Variants in PCCA observed in about 807,000 individuals in gnomAD.
PCCA encodes the protein propionyl-CoA carboxylase alpha chain, mitochondrial.
In PCCA, 74 loss-of-function variants were observed where a neutral mutation model predicts 101.3. That is an observed-to-expected ratio of 0.73 (90% CI 0.61 to 0.89). PCCA has a LOEUF of 0.89. PCCA is among the 40% of genes least tolerant of loss of function. The pLI is 0.00. For synonymous variants in PCCA, 294 were observed against 313.6 expected, an observed-to-expected ratio of 0.94 and a Z score of 0.66; for missense variants, 891 against 907.0, an observed-to-expected ratio of 0.98 and a Z score of 0.23.
chr13:100,292,500 C>T (rs2065202500), intron 12 of PCCA, among the ~76,000 whole-genome samples: 1 of 152,178 alleles, frequency 6.6e-6, no homozygotes, highest in Non-Finnish European at 1.5e-5. Context: ...TTATACTGAG[C>T]ACACATTCTT....
intron 19 of PCCA, among the ~76,000 whole-genome samples, chr13:100,372,946 G>A (rs2075663471): frequency 6.6e-6 from 1 of 152,112 alleles, no homozygotes; most frequent in Non-Finnish European, 1.5e-5. Context: ...GTTTCACCAT[G>A]TTGGCCAGGC....
At chr13:100,113,548 T>A (rs991188999) in intron 4 of PCCA, among the ~76,000 whole-genome samples, 1 of 151,926 alleles carries the variant, frequency 6.6e-6, no homozygotes, top group African/African-American at 2.4e-5. Context: ...AATTATAAAC[T>A]TTTAAATTTT....
intron 4 of PCCA, among the ~76,000 whole-genome samples, chr13:100,125,239 G>T (rs1360132673): frequency 6.6e-6 from 1 of 152,002 alleles, no homozygotes; most frequent in Non-Finnish European, 1.5e-5. Context: ...GATGATGGCT[G>T]TCCTGGTCCA....
intron 4 of PCCA, among the ~76,000 whole-genome samples, chr13:100,139,818 C>T (rs1315408741): frequency 6.6e-6 from 1 of 151,636 alleles, no homozygotes; most frequent in African/African-American, 2.4e-5. Flanking sequence ...ACATAATCCT[C>T]TGAATTTAGT....
intron 19 of PCCA, among the ~76,000 whole-genome samples, chr13:100,408,781 T>C (rs951332425): frequency 1.3e-5 from 2 of 152,084 alleles, no homozygotes; most frequent in African/African-American, 4.8e-5. Flanking sequence ...CAAACAGTGA[T>C]AGTTCCGGGG....
At chr13:100,396,567 G>A (rs2077053667) in intron 19 of PCCA, among the ~76,000 whole-genome samples, 1 of 152,206 alleles carries the variant, frequency 6.6e-6, no homozygotes, top group Admixed American at 6.5e-5. Context: ...CAGTGGCCCA[G>A]GCCTGTGGTC....
At position 100,111,976 on chromosome 13, in the gene PCCA, A is replaced by C. The variant is rs754015992; in HGVS notation, c.232-17A>C. On this transcript the variant is annotated splice_polypyrimidine_tract_variant and intron_variant, in intron 3 of 23. Transcript: ENST00000376285. ...GTGTGAATCACTATTAATAGACATT[A>C]ATATATTTTAAAATAGGTTATTAGA... 1.8e-5 allele frequency: 28 copies of C among 1,586,244 alleles called. No individual in the cohort carries two copies. In the South Asian group the frequency reaches 3.1e-4, roughly 18 times the overall value.
chr13:100,498,016 T>C (rs1289284101), intron 21 of PCCA, among the ~76,000 whole-genome samples: 2 of 151,988 alleles, frequency 1.3e-5, no homozygotes, highest in Admixed American at 6.6e-5. Context: ...ATTACAGATA[T>C]GTGCCACTAC....
In PCCA at chr13:100,515,531, AGTG is replaced by A; in HGVS notation, c.2012_2014del (p.Val671del). 6.2e-7 allele frequency: 1 copy of A among 1,614,052 alleles called. No individual in the cohort carries two copies. On this transcript the variant is annotated inframe_deletion, in exon 22 of 24. Coordinates refer to ENST00000376285, the MANE Select transcript of PCCA (RefSeq NM_000282.4). ...GTGTTCTGCGTTCCCCGATGCCCGG[AGTG>A]GTGGTGGCCGTCTCTGTCAAGCCTG...
intron 19 of PCCA, among the ~76,000 whole-genome samples, chr13:100,379,830 C>G (rs1048631892): frequency 6.6e-6 from 1 of 152,192 alleles, no homozygotes; most frequent in Admixed American, 6.5e-5. Flanking sequence ...CCTTCCCACA[C>G]ATGTGGGAAT....
chr13:100,310,013 C>A, intron 16 of PCCA, 105 bp downstream of exon 16: 1 of 821,554 alleles, frequency 1.2e-6, no homozygotes, highest in Non-Finnish European at 2.1e-6. Context: ...CATTTGCTCA[C>A]TATGTGCTTA....
intron 2 of PCCA, among the ~76,000 whole-genome samples, chr13:100,108,602 C>T (rs1176307375): frequency 6.6e-6 from 1 of 152,212 alleles, no homozygotes; most frequent in East Asian, 1.9e-4. Context: ...CATGTGCTCC[C>T]TTCTCTGTGT....
intron 18 of PCCA, among the ~76,000 whole-genome samples, chr13:100,356,610 C>T (rs1465257756): frequency 6.6e-6 from 1 of 152,072 alleles, no homozygotes; most frequent in Admixed American, 6.5e-5. Flanking sequence ...ATTACATGTT[C>T]CTGGTGGGAA....
rs146321518 is a variant in PCCA, at chr13:100,383,338, A to G, written c.1746+14764A>G. On this transcript the variant is annotated intron_variant, in intron 19 of 23. Transcript: ENST00000376285. ...AGCAATATTTTTTGAGAGCAATATA[A>G]GATTTGAGACTGGGTGCGTGGCTCA... Among the ~76,000 whole-genome samples, 14 of 151,998 alleles carry G rather than the reference A, an allele frequency of 9.2e-5. No individual in the cohort carries two copies. In the East Asian group the frequency reaches 2.8e-3, roughly 30 times the overall value.
intron 12 of PCCA, among the ~76,000 whole-genome samples, chr13:100,293,747 G>T (rs534957057): frequency 3.3e-5 from 5 of 152,116 alleles, no homozygotes; most frequent in Non-Finnish European, 7.4e-5. Context: ...GTTTTGTTCT[G>T]GGAAACTGAG....
intron 16 of PCCA, among the ~76,000 whole-genome samples, chr13:100,328,750 G>C (rs2069078531): frequency 1.4e-5 from 2 of 143,408 alleles, no homozygotes; most frequent in Admixed American, 7.2e-5. Flanking sequence ...TGGGAGTGCA[G>C]TGGTGTGATC....
At chr13:100,457,490 A>G (rs570944371) in intron 21 of PCCA, among the ~76,000 whole-genome samples, 198 of 152,304 alleles carry the variant, frequency 1.3e-3, no homozygotes, top group Admixed American at 2.2e-3. Flanking sequence ...AGTGGTCAGG[A>G]TACCATTGTC....
intron 10 of PCCA, among the ~76,000 whole-genome samples, chr13:100,264,404 G>A (rs562445445): frequency 1.3e-5 from 2 of 152,200 alleles, no homozygotes; most frequent in Admixed American, 6.5e-5. Context: ...CCACTTCCTA[G>A]TCAGTCCCTA....
intron 4 of PCCA, among the ~76,000 whole-genome samples, chr13:100,147,010 T>TA (rs36028025): frequency 0.34 from 47,375 of 140,746 alleles, 8,352 homozygotes; most frequent in East Asian, 0.71. Flanking sequence ...GGTAGAATTC[T>TA]AAAAAAAAAA....
Sources: gnomAD v4.1 joint callset for allele counts (sites outside exome capture counted in the v4.1 genomes callset) on GRCh38, gnomAD v4.1.1 for gene constraint, MANE v1.5 for transcripts, NCBI Gene and HGNC (gene_info 2026-07-23, HGNC 2026-07-21) for gene names.